BICDL1: variants seen among roughly 807,000 people sequenced by gnomAD.
The protein encoded by BICDL1 is BICD family-like cargo adapter 1.
A neutral mutation model predicts 76.8 loss-of-function variants in BICDL1; 20 were observed. That is an observed-to-expected ratio of 0.26 (90% CI 0.18 to 0.38). BICDL1 has a LOEUF of 0.38. Ranked by LOEUF, BICDL1 falls within the 10% of genes least tolerant of loss-of-function variation. BICDL1 has a pLI of 1.00. For missense variants in BICDL1, 700 were observed against 798.6 expected (o/e 0.88, Z 1.49); for synonymous variants, 383 against 337.1 (o/e 1.14, Z -1.49).
At chr12:120,003,811 C>T (rs1008354007) in intron 2 of BICDL1, among the ~76,000 whole-genome samples, 1 of 152,196 alleles carries the variant, frequency 6.6e-6, no homozygotes, top group Non-Finnish European at 1.5e-5. Flanking sequence ...TTCTGTAGTT[C>T]TCTGACTCTA....
chr12:120,030,438 C>T (rs1323313972), intron 2 of BICDL1, among the ~76,000 whole-genome samples: 1 of 152,140 alleles, frequency 6.6e-6, no homozygotes, highest in African/African-American at 2.4e-5. Context: ...GACAGGCTTG[C>T]GTCACTTGGA....
chr12:120,039,282 G>A (rs1952586710), intron 2 of BICDL1, among the ~76,000 whole-genome samples: 1 of 151,826 alleles, frequency 6.6e-6, no homozygotes, highest in Non-Finnish European at 1.5e-5. Context: ...GGGCGACAGA[G>A]TGAGACTCTG....
chr12:120,007,371 G>A (rs945745213), intron 2 of BICDL1, among the ~76,000 whole-genome samples: 1 of 152,144 alleles, frequency 6.6e-6, no homozygotes, highest in African/African-American at 2.4e-5. Flanking sequence ...CTGAGACTCT[G>A]TTCTAGTACC....
chr12:120,028,338 C>T (rs1188730233), intron 2 of BICDL1, among the ~76,000 whole-genome samples: 1 of 152,010 alleles, frequency 6.6e-6, no homozygotes, highest in Admixed American at 6.6e-5. Context: ...TTTACAAAGG[C>T]CCATTGTCAA....
intron 1 of BICDL1, among the ~76,000 whole-genome samples, chr12:119,995,527 ATTT>A (rs879655062): frequency 2.6e-5 from 4 of 152,130 alleles, no homozygotes; most frequent in Non-Finnish European, 4.4e-5. Context: ...CACGAGCCTA[ATTT>A]ATCTGGCCTC....
At chr12:119,997,342 A>G (rs1009820266) in intron 1 of BICDL1, among the ~76,000 whole-genome samples, 5 of 152,160 alleles carry the variant, frequency 3.3e-5, no homozygotes, top group Non-Finnish European at 7.3e-5. Flanking sequence ...ACCATCTTTC[A>G]TATGCAATTT....
chr12:120,061,446 T>C (rs1953102164), intron 2 of BICDL1, among the ~76,000 whole-genome samples: 1 of 152,112 alleles, frequency 6.6e-6, no homozygotes, highest in Non-Finnish European at 1.5e-5. Context: ...TAACTAACAT[T>C]TGAGAGCATA....
intron 2 of BICDL1, among the ~76,000 whole-genome samples, chr12:120,012,486 G>A (rs1409323139): frequency 2.0e-5 from 3 of 152,080 alleles, no homozygotes; most frequent in Non-Finnish European, 4.4e-5. Flanking sequence ...GCTAGGTTAC[G>A]GCTTTTCACA....
intron 4 of BICDL1, among the ~76,000 whole-genome samples, chr12:120,070,243 G>A (rs1872984968): frequency 6.6e-6 from 1 of 152,052 alleles, no homozygotes. Flanking sequence ...CACCAGCATT[G>A]CCCCACATCT....
At chr12:120,013,437 A>AGTGTGTGT (rs1491225656) in intron 2 of BICDL1, among the ~76,000 whole-genome samples, 10 of 117,910 alleles carry the variant, frequency 8.5e-5, no homozygotes, top group Non-Finnish European at 1.2e-4. Context: ...GTCTTTAACC[A>AGTGTGTGT]GAGTGTGTGT....
chr12:120,079,694 T>A lies in BICDL1; in HGVS notation c.1453-1193T>A, dbSNP rs1873822081. Among the ~76,000 whole-genome samples, 1 of 152,176 alleles carries A rather than the reference T, an allele frequency of 6.6e-6. No individual in the cohort carries two copies. The highest frequency in any genetic ancestry group is 1.5e-5 in the Non-Finnish European group (1 of 68,034). On this transcript the variant is annotated intron_variant, in intron 7 of 9. Coordinates refer to ENST00000548673, the MANE Select transcript of BICDL1 (RefSeq NM_001367886.1). This position sits in a 1 kb window ranked among gnomAD's most constrained non-coding sequence, Gnocchi z 4.3. ...AGCAAAACATGTACTCTGCTTAATGTAAGCAGAAAGAGAATGTATGAGACC... is the reference window on the plus strand; with the variant it reads ...AGCAAAACATGTACTCTGCTTAATGAAAGCAGAAAGAGAATGTATGAGACC...
At chr12:120,036,829 T>G (rs1218389554) in intron 2 of BICDL1, among the ~76,000 whole-genome samples, 1 of 152,178 alleles carries the variant, frequency 6.6e-6, no homozygotes, top group African/African-American at 2.4e-5. Context: ...TGAGCCAAGA[T>G]CATGCCACTG....
At chr12:120,088,350 T>G (rs1222474234) in intron 8 of BICDL1, among the ~76,000 whole-genome samples, 1 of 152,132 alleles carries the variant, frequency 6.6e-6, no homozygotes, top group East Asian at 1.9e-4. Flanking sequence ...CATGGTTTTT[T>G]GTGGGGTTTT....
intron 2 of BICDL1, among the ~76,000 whole-genome samples, chr12:120,017,070 G>C (rs983993193): frequency 1.2e-4 from 18 of 152,016 alleles, no homozygotes; most frequent in Non-Finnish European, 2.1e-4. Flanking sequence ...CTAATTTTTT[G>C]TATTTTTAGT....
intron 1 of BICDL1, among the ~76,000 whole-genome samples, chr12:119,996,954 T>G (rs12300819): frequency 6.6e-6 from 1 of 150,906 alleles, no homozygotes; most frequent in African/African-American, 2.5e-5. Context: ...AAAAAGATTT[T>G]TTTTTTTTTT....
chr12:120,016,767 T>C (rs1048402938), intron 2 of BICDL1, among the ~76,000 whole-genome samples: 1 of 152,076 alleles, frequency 6.6e-6, no homozygotes, highest in Admixed American at 6.6e-5. Flanking sequence ...CAAAGAAGCT[T>C]GTACCAGTTT....
intron 2 of BICDL1, among the ~76,000 whole-genome samples, chr12:120,060,567 A>G (rs1953083121): frequency 6.6e-6 from 1 of 152,228 alleles, no homozygotes; most frequent in East Asian, 1.9e-4. Context: ...TTTAAAGGTT[A>G]GAGGGTATTT....
rs1472182951 is a variant in BICDL1 at position 120,071,065 on chromosome 12, G to A, written c.910-557G>A. On this transcript the variant is annotated intron_variant, in intron 4 of 9. Transcript: ENST00000548673. This position sits in a 1 kb window ranked among gnomAD's most constrained non-coding sequence, Gnocchi z 4.8. ...AACTCAAGTCTTTTTTTATTTCTGT[G>A]TTCCTCCTTTATCTGTTTTTTCCCT... Among the ~76,000 whole-genome samples, 2 of 151,544 alleles carry A rather than the reference G, an allele frequency of 1.3e-5. No homozygotes were observed. Among genetic ancestry groups the A allele is most frequent in the Non-Finnish European group, 2.9e-5 (2 of 67,892 alleles).
intron 2 of BICDL1, among the ~76,000 whole-genome samples, chr12:120,023,428 A>T (rs2138722163): frequency 6.6e-6 from 1 of 152,342 alleles, no homozygotes; most frequent in East Asian, 1.9e-4. Context: ...AAAAAAGGCT[A>T]TGGGAACACA....
Sources: allele counts gnomAD v4.1 joint callset (sites outside exome capture counted in the v4.1 genomes callset), GRCh38; gene constraint gnomAD v4.1.1; non-coding constraint Gnocchi (gnomAD v3.1); transcripts MANE v1.5; gene names NCBI Gene and HGNC (gene_info 2026-07-23, HGNC 2026-07-21).